Variants in STXBP5 observed in about 807,000 individuals in gnomAD.
STXBP5 encodes the protein syntaxin binding protein 5.
Under a neutral mutation model 152.4 loss-of-function variants are expected in STXBP5, and 50 were observed. That is an observed-to-expected ratio of 0.33 (90% confidence interval 0.26 to 0.42). The LOEUF (loss-of-function observed/expected upper bound fraction) is 0.42. Among genes scored for constraint, STXBP5 ranks in the 10% least tolerant of loss-of-function variants. The probability of loss-of-function intolerance (pLI) is 1.00; values close to 1 mark genes in which losing one functional copy is unlikely to be tolerated. For synonymous variants in STXBP5, 492 were observed against 494.7 expected, an observed-to-expected ratio of 0.99 and a Z score of 0.07; for missense variants, 1,167 against 1,388.6, an observed-to-expected ratio of 0.84 and a Z score of 2.54.
chr6:147,301,682 A>G (rs940188367), intron 9 of STXBP5, among the ~76,000 whole-genome samples: 1 of 152,184 alleles, frequency 6.6e-6, no homozygotes, highest in African/African-American at 2.4e-5. Flanking sequence ...ACACCTAACT[A>G]TGATAAATTG....
rs1457477211 is a variant in STXBP5 at position 147,324,987 on chromosome 6, C to T, written c.1831C>T (p.Pro611Ser). Residue 611 changes from proline (P) to serine (S), a missense_variant, in exon 17 of 28, where the codon CCA becomes TCA. Transcript: ENST00000321680. ...TAAAAACTCACCACTTAAACAGTCTCCAGGTTATCAAACAGAACTAGTTAT... is the reference window on the plus strand; with the variant it reads ...TAAAAACTCACCACTTAAACAGTCTTCAGGTTATCAAACAGAACTAGTTAT... ...KVKNSPLKQS[P>S]GYQTELVIQL... The T allele has an allele frequency of 6.3e-7, 1 of 1,593,222 alleles. No individual in the cohort carries two copies. The highest frequency in any genetic ancestry group is 8.6e-7 in the Non-Finnish European group (1 of 1,167,682).
intron 4 of STXBP5, among the ~76,000 whole-genome samples, chr6:147,242,196 G>A (rs1373267715): frequency 1.3e-5 from 2 of 150,498 alleles, no homozygotes; most frequent in East Asian, 3.9e-4. Flanking sequence ...AGTTTAAAAA[G>A]TAAAAGTAAA....
At chr6:147,289,800 A>G (rs2128350917) in intron 8 of STXBP5, among the ~76,000 whole-genome samples, 2 of 152,310 alleles carry the variant, frequency 1.3e-5, no homozygotes, top group South Asian at 4.1e-4. Context: ...TGATAGAACT[A>G]TAAATTGGCA....
chr6:147,298,953 GAAGA>G lies in STXBP5; in HGVS notation c.917+7788_917+7791del, dbSNP rs1487260830. 9.2e-5 allele frequency among the ~76,000 whole-genome samples: 14 copies of G among 151,912 alleles called. 1 individual carries two copies. Among genetic ancestry groups the G allele is most frequent in the South Asian group, 4.2e-4 (2 of 4,802 alleles). The stretch of plus-strand genomic sequence containing the variant: ...AAGTGAACAAACCCAAAATTGGTAG[GAAGA>G]AAGAAATAATAATTATCAGAGCCAA... On this transcript the variant is annotated intron_variant, in intron 9 of 27. Transcript: ENST00000321680.
intron 16 of STXBP5, among the ~76,000 whole-genome samples, chr6:147,322,570 T>C (rs1420768508): frequency 2.6e-5 from 4 of 152,208 alleles, no homozygotes; most frequent in East Asian, 3.9e-4. Context: ...CTGAGTTTGG[T>C]GGCAGGAAAT....
intron 7 of STXBP5, among the ~76,000 whole-genome samples, chr6:147,277,778 T>C (rs1168190624): frequency 1.3e-5 from 2 of 152,186 alleles, no homozygotes; most frequent in African/African-American, 4.8e-5. Flanking sequence ...GTATTGTTTA[T>C]GCTAAAAATA....
At chr6:147,248,951 G>A (rs1392915869) in intron 4 of STXBP5, among the ~76,000 whole-genome samples, 1 of 152,150 alleles carries the variant, frequency 6.6e-6, no homozygotes, top group Non-Finnish European at 1.5e-5. Context: ...GATGGAGGGG[G>A]CCATGTAGGA....
chr6:147,379,216 C>A (rs1031556439), intron 26 of STXBP5, among the ~76,000 whole-genome samples: 1 of 152,084 alleles, frequency 6.6e-6, no homozygotes, highest in Non-Finnish European at 1.5e-5. Flanking sequence ...CTGCAAAGAT[C>A]CTTTTCCTAT....
intron 16 of STXBP5, among the ~76,000 whole-genome samples, chr6:147,321,412 T>A (rs1410725591): frequency 6.6e-6 from 1 of 152,066 alleles, no homozygotes; most frequent in Non-Finnish European, 1.5e-5. Context: ...CATAGTAAGA[T>A]ACCATCTCTA....
At chr6:147,286,181 A>G (rs1004761293) in intron 8 of STXBP5, among the ~76,000 whole-genome samples, 5 of 152,038 alleles carry the variant, frequency 3.3e-5, no homozygotes, top group African/African-American at 9.7e-5. Context: ...CACCTCAACA[A>G]TCCTTTCCTT....
At chr6:147,277,983 A>G in intron 7 of STXBP5, 98 bp from the exon 8 acceptor site, 1 of 1,121,730 alleles carries the variant, frequency 8.9e-7, no homozygotes, top group Non-Finnish European at 1.2e-6. Context: ...CTTAGGAAAT[A>G]AAGAAAAGTT....
At position 147,370,240 on chromosome 6, in the gene STXBP5, TAAA is replaced by T. The variant is rs1487541144; in HGVS notation, c.3082-3490_3082-3488del. On this transcript the variant is annotated intron_variant, in intron 25 of 27. Coordinates refer to ENST00000321680, the MANE Select transcript of STXBP5 (RefSeq NM_001127715.4). ...AGCAATAACTTGGATATGGGGTTGTTAAAGAAGGAATGAGAGAAGGTCGTACAA... is the reference window on the plus strand; with the variant it reads ...AGCAATAACTTGGATATGGGGTTGTTGAAGGAATGAGAGAAGGTCGTACAA... 2.0e-5 allele frequency among the ~76,000 whole-genome samples: 3 copies of T among 152,194 alleles called. No homozygotes were observed. In the East Asian group the frequency reaches 5.8e-4, roughly 29 times the overall value.
intron 10 of STXBP5, 104 bp from the exon 11 acceptor site, chr6:147,311,351 T>C (rs1782364796): frequency 1.1e-6 from 1 of 945,908 alleles, no homozygotes; most frequent in Non-Finnish European, 1.6e-6. Context: ...GAATGTTAAA[T>C]ACTCAAGAGA....
intron 4 of STXBP5, among the ~76,000 whole-genome samples, chr6:147,258,147 C>T (rs534044914): frequency 2.6e-5 from 4 of 152,254 alleles, no homozygotes; most frequent in East Asian, 1.9e-4. Context: ...AATTCATTGG[C>T]GCATGCAAGC....
At chr6:147,295,281 GT>G (rs957194662) in intron 9 of STXBP5, among the ~76,000 whole-genome samples, 2 of 152,160 alleles carry the variant, frequency 1.3e-5, no homozygotes, top group Non-Finnish European at 2.9e-5. Flanking sequence ...GAACTCTAGA[GT>G]TTTGAGCTAC....
At chr6:147,245,836 G>C (rs1016098243) in intron 4 of STXBP5, among the ~76,000 whole-genome samples, 1 of 152,156 alleles carries the variant, frequency 6.6e-6, no homozygotes, top group Non-Finnish European at 1.5e-5. Flanking sequence ...GAATGCAAAG[G>C]ATAGCTGCCG....
intron 4 of STXBP5, among the ~76,000 whole-genome samples, chr6:147,246,987 T>G (rs1211433798): frequency 2.0e-5 from 3 of 152,188 alleles, no homozygotes; most frequent in Non-Finnish European, 4.4e-5. Context: ...CATTATACTC[T>G]TATTATTTTA....
intron 18 of STXBP5, among the ~76,000 whole-genome samples, chr6:147,332,565 A>C (rs112779542): frequency 6.6e-6 from 1 of 152,202 alleles, no homozygotes; most frequent in Non-Finnish European, 1.5e-5. Context: ...AGTTCAAGGA[A>C]CAATGAGGAG....
Position 147,235,645 on chromosome 6 carries a change from A to T in STXBP5, c.330+314A>T, listed in dbSNP as rs559377281. Among the ~76,000 whole-genome samples the T allele has an allele frequency of 2.0e-5, 3 of 152,286 alleles. No individual in the cohort carries two copies. The East Asian group carries it at 5.8e-4, about 29-fold the overall frequency. On this transcript the variant is annotated intron_variant, in intron 3 of 27. Transcript: ENST00000321680. ...GAACTCTATATTAAAATATTTTTTA[A>T]AAGATTGAGCTTATTACAAATCAAA... is the stretch of plus-strand genomic sequence containing the variant.
Sources: allele counts gnomAD v4.1 joint callset (sites outside exome capture counted in the v4.1 genomes callset), GRCh38; gene constraint gnomAD v4.1.1; transcripts MANE v1.5; gene names NCBI Gene and HGNC (gene_info 2026-07-23, HGNC 2026-07-21).